C3orf85: variants seen among roughly 807,000 people sequenced by gnomAD.
C3orf85 encodes chromosome 3 open reading frame 85, also known as uncharacterized protein C3orf85.
Under a neutral mutation model 1.7 loss-of-function variants are expected in C3orf85, and 1 was observed. That is an observed-to-expected ratio of 0.60 (90% CI 0.21 to 2.86). The LOEUF is 2.86. Among genes scored for constraint, C3orf85 ranks in the 30% most tolerant of loss-of-function variants. The pLI is 0.22. For synonymous variants in C3orf85, 17 were observed against 8.0 expected, an observed-to-expected ratio of 2.13 and a Z score of -1.90; for missense variants, 29 against 21.3, an observed-to-expected ratio of 1.36 and a Z score of -0.72.
At chr3:109,146,913 T>G (rs970742733) in intron 2 of C3orf85, among the ~76,000 whole-genome samples, 2 of 152,196 alleles carry the variant, frequency 1.3e-5, no homozygotes, top group Admixed American at 1.3e-4. Flanking sequence ...TTATACTAAA[T>G]TGGATTAGCT....
intron 3 of C3orf85, chr3:109,148,690 T>C: frequency 3.2e-6 from 1 of 312,334 alleles, no homozygotes; most frequent in South Asian, 3.9e-5. Flanking sequence ...AAATGTCAAT[T>C]GGAATTACTT....
chr3:109,142,716 T>C, intron 2 of C3orf85, among the ~76,000 whole-genome samples: 1 of 151,664 alleles, frequency 6.6e-6, no homozygotes, highest in East Asian at 1.9e-4. Context: ...TTTTTTTTTT[T>C]CTCCCTCCTT....
At chr3:109,146,190 C>T (rs962670559) in intron 2 of C3orf85, 1 of 152,150 alleles carries the variant, frequency 6.6e-6, no homozygotes, top group Non-Finnish European at 1.5e-5. Flanking sequence ...TCTTTCCATG[C>T]AATGATGATA....
At chr3:109,147,821 G>A (rs1706817037) in intron 2 of C3orf85, among the ~76,000 whole-genome samples, 1 of 152,148 alleles carries the variant, frequency 6.6e-6, no homozygotes, top group Non-Finnish European at 1.5e-5. Flanking sequence ...TGCCTAGTTT[G>A]AGCCAGATAG....
chr3:109,148,504 T>G (rs1706825947), intron 3 of C3orf85, 118 bp downstream of exon 3: 1 of 660,642 alleles, frequency 1.5e-6, no homozygotes, highest in Middle Eastern at 3.8e-4. Context: ...CTCTAGACAC[T>G]CTGAACTATA....
chr3:109,142,949 C>G (rs1415584920), intron 2 of C3orf85, among the ~76,000 whole-genome samples: 1 of 152,174 alleles, frequency 6.6e-6, no homozygotes, highest in African/African-American at 2.4e-5. Context: ...ACTGGACCCC[C>G]AAATTTGGCA....
At chr3:109,136,792 G>C (rs1357067791) in intron 1 of C3orf85, 51 bp downstream of exon 1, 1 of 405,132 alleles carries the variant, frequency 2.5e-6, no homozygotes, top group Non-Finnish European at 4.4e-6. Flanking sequence ...ATACCCTAAG[G>C]CTTTTTCCAG....
At chr3:109,137,781 G>A (rs1706696919) in intron 2 of C3orf85, among the ~76,000 whole-genome samples, 1 of 151,398 alleles carries the variant, frequency 6.6e-6, no homozygotes, top group South Asian at 2.1e-4. Flanking sequence ...AACATTTTTA[G>A]CCAAGTTATT....
chr3:109,142,252 G>C (rs575105619), intron 2 of C3orf85, among the ~76,000 whole-genome samples: 1 of 152,030 alleles, frequency 6.6e-6, no homozygotes, highest in African/African-American at 2.4e-5. Context: ...TACTTAATTT[G>C]TGTGTGTCCA....
intron 2 of C3orf85, among the ~76,000 whole-genome samples, chr3:109,144,115 A>T (rs193128999): frequency 1.1e-4 from 16 of 152,248 alleles, no homozygotes; most frequent in East Asian, 9.7e-4. Context: ...ACATTTTTTT[A>T]AAAAACTCAT....
In C3orf85 at chr3:109,149,863, C is replaced by A. The variant is rs1373396610; in HGVS notation, c.242C>A (p.Thr81Asn). The change falls in exon 4 of 4, where the codon ACC becomes AAC. Residue 81 changes from threonine (T) to asparagine (N), a missense_variant. Coordinates refer to ENST00000622536, the MANE Select transcript of C3orf85 (RefSeq NM_001351622.2). ...TTAQYYLDMN[T>N]FTFDMSTAQ ...GCACAGTATTATTTGGATATGAATA[C>A]CTTCACCTTTGACATGTCTACTGCC... The A allele has an allele frequency of 7.5e-6, 3 of 398,456 alleles. No homozygotes were observed. Among genetic ancestry groups the A allele is most frequent in the Middle Eastern group, 6.3e-4 (1 of 1,582 alleles). 24.7% of individuals were successfully genotyped at this position (398,456 alleles called of 1,614,324 possible).
chr3:109,148,839 T>C (rs1309093415), intron 3 of C3orf85: 1 of 153,572 alleles, frequency 6.5e-6, no homozygotes, highest in Non-Finnish European at 1.4e-5. Context: ...TATGTGTAGA[T>C]TGATGAATGG....
chr3:109,137,651 AT>A (rs1706694516), intron 2 of C3orf85, among the ~76,000 whole-genome samples: 1 of 142,386 alleles, frequency 7.0e-6, no homozygotes, highest in African/African-American at 2.5e-5. Flanking sequence ...ATATATATAT[AT>A]ATATATATAT....
Position 109,148,387 on chromosome 3 carries a change from G to T in C3orf85, c.183+1G>T, listed in dbSNP as rs1254872189. 1 of 702,360 alleles carries T rather than the reference G, an allele frequency of 1.4e-6. No homozygotes were observed. Among genetic ancestry groups the T allele is most frequent in the Non-Finnish European group, 2.6e-6 (1 of 384,646 alleles). 43.5% of individuals were successfully genotyped at this position (702,360 alleles called of 1,614,324 possible). On this transcript the variant is annotated splice_donor_variant, in intron 3 of 3. Coordinates refer to ENST00000622536, the MANE Select transcript of C3orf85 (RefSeq NM_001351622.2). LOFTEE classifies it high-confidence loss of function. ...GTGGGTAAACACACTGGCTAAGCAG[G>T]TATTTGTATTAGAAACAAATGGTCC...
rs1706682492 is a variant in C3orf85, at chr3:109,136,841, T to C, written c.-4-3T>C. On this transcript the variant is annotated splice_region_variant and splice_polypyrimidine_tract_variant and intron_variant, in intron 1 of 3. Transcript: ENST00000622536. ...AATAAATCTTTTTTTTTTCCCAAAA[T>C]AGGATCATGGCCTATAAAATGCTTC... 3 of 417,006 alleles carry C rather than the reference T, an allele frequency of 7.2e-6. No homozygotes were observed. Among genetic ancestry groups the C allele is most frequent in the Non-Finnish European group, 8.6e-6 (2 of 233,750 alleles). The allele number at this position is 417,006 out of a possible 1,614,324, so 25.8% of individuals were successfully genotyped here. A position where few individuals can be genotyped will look rare whatever the true frequency, so the allele number is the denominator to read the frequency against.
chr3:109,147,675 G>A (rs530161439), intron 2 of C3orf85, among the ~76,000 whole-genome samples: 71 of 152,162 alleles, frequency 4.7e-4, no homozygotes, highest in African/African-American at 1.5e-3. Flanking sequence ...AAGGTGGTTC[G>A]ATTTGATGGT....
intron 2 of C3orf85, among the ~76,000 whole-genome samples, chr3:109,142,783 C>A (rs952625408): frequency 1.3e-5 from 2 of 151,886 alleles, no homozygotes; most frequent in African/African-American, 4.8e-5. Context: ...TCTTTCTTCA[C>A]CACCCTCCAA....
chr3:109,151,209 A>G lies in C3orf85; in HGVS notation c.*1315A>G, dbSNP rs1055106921. The stretch of plus-strand genomic sequence containing the variant: ...GGAAATAAGTTTGAGATTGTACATA[A>G]ATATATCTTCAGTGTTTTACCAATA... On this transcript the variant is annotated 3_prime_UTR_variant, in exon 4 of 4. Coordinates refer to ENST00000622536, the MANE Select transcript of C3orf85 (RefSeq NM_001351622.2). Among the ~76,000 whole-genome samples the G allele has an allele frequency of 3.9e-5, 6 of 152,342 alleles. No homozygotes were observed. The highest frequency in any genetic ancestry group is 1.5e-5 in the Non-Finnish European group (1 of 68,040).
intron 2 of C3orf85, among the ~76,000 whole-genome samples, chr3:109,145,201 C>T (rs541950278): frequency 6.6e-4 from 101 of 152,152 alleles, no homozygotes; most frequent in African/African-American, 1.4e-3. Context: ...GTCCTTACAC[C>T]ACTGACAAAA....
Sources: gnomAD v4.1 joint callset for allele counts (sites outside exome capture counted in the v4.1 genomes callset) on GRCh38, gnomAD v4.1.1 for gene constraint, MANE v1.5 for transcripts, NCBI Gene and HGNC (gene_info 2026-07-23, HGNC 2026-07-21) for gene names.